The following SLC19A1 variants were observed in gnomAD, a reference collection of about 807,000 sequenced individuals.
SLC19A1 encodes the protein solute carrier family 19 member 1, also known as reduced folate transporter.
Under a neutral mutation model 35.3 loss-of-function variants are expected in SLC19A1, and 37 were observed. That is an observed-to-expected ratio of 1.05 (90% CI 0.81 to 1.38). The LOEUF (loss-of-function observed/expected upper bound fraction) is 1.38, where lower values mean the gene tolerates loss of function less well. Among genes scored for constraint, SLC19A1 ranks in the 40% most tolerant of loss-of-function variants. SLC19A1 has a pLI of 0.00. For missense variants in SLC19A1, 831 were observed against 826.9 expected, an observed-to-expected ratio of 1.00 and a Z score of -0.06; for synonymous variants, 460 against 398.5, an observed-to-expected ratio of 1.15 and a Z score of -1.84.
chr21:45,528,965 C>T (rs77309572), intron 4 of SLC19A1, among the ~76,000 whole-genome samples: 19 of 152,366 alleles, frequency 1.2e-4, no homozygotes, highest in African/African-American at 4.1e-4. Flanking sequence ...ATAACTAAAA[C>T]CTTTCAGGCG....
rs531623740 is a variant in SLC19A1, at chr21:45,540,961, C to T, written c.-50+1407G>A. Among the ~76,000 whole-genome samples, 2 of 152,316 alleles carry T rather than the reference C, an allele frequency of 1.3e-5. No individual in the cohort carries two copies. Among genetic ancestry groups the T allele is most frequent in the Non-Finnish European group, 2.9e-5 (2 of 68,028 alleles). On this transcript the variant is annotated intron_variant, in intron 1 of 5. Transcript: ENST00000311124. This position sits in a 1 kb window ranked among gnomAD's most constrained non-coding sequence, Gnocchi z 5.5. ...ACCTATCATTCCGTGTTTAAACCAG[C>T]TCCTACTCTGGAAGGCTAACCAAGA...
At chr21:45,523,896 C>T (rs2077513772) in intron 5 of SLC19A1, among the ~76,000 whole-genome samples, 1 of 152,214 alleles carries the variant, frequency 6.6e-6, no homozygotes, top group African/African-American at 2.4e-5. Context: ...CCCTCCAAAG[C>T]CAGCTGGACT....
At chr21:45,519,336 T>C (rs144752279) in intron 5 of SLC19A1, among the ~76,000 whole-genome samples, 20 of 152,106 alleles carry the variant, frequency 1.3e-4, no homozygotes, top group African/African-American at 4.8e-4. Flanking sequence ...GGCCCTAATA[T>C]ACAAATTATC....
In SLC19A1 at chr21:45,530,673, C is replaced by T. The variant is rs61665019; in HGVS notation, c.1151+97G>A. 2.5e-3 allele frequency: 3,257 copies of T among 1,313,162 alleles called. 42 individuals are homozygous for T. Among genetic ancestry groups the T allele is most frequent in the South Asian group, 0.022 (1,653 of 73,580 alleles). The allele number at this position is 1,313,162 out of a possible 1,614,324, so 81.3% of individuals were successfully genotyped here. On this transcript the variant is annotated intron_variant, in intron 4 of 5. Coordinates refer to ENST00000311124, the MANE Select transcript of SLC19A1 (RefSeq NM_194255.4). The surrounding 1 kb of genome is among the most constrained non-coding windows in gnomAD (Gnocchi z 5.3). ...CTGGCGGGGCCAGCAGTGGCACAGC[C>T]GCTGGGGCGCAGCAGGAAGGTGGGA...
At position 45,525,862 on chromosome 21, in the gene SLC19A1, G is replaced by C. The variant is rs1320092899; in HGVS notation, c.1248C>G (p.Phe416Leu). The change falls in exon 5 of 6, where the codon TTC (phenylalanine) becomes TTG (leucine). Residue 416 changes from phenylalanine to leucine, a missense_variant. Coordinates refer to ENST00000311124, the MANE Select transcript of SLC19A1 (RefSeq NM_194255.4). ...FATIVKTIIT[F>L]IVSDVRGLGL... is the part of the protein sequence containing the mutation. ...CCAGGCCCCGCACGTCCGAGACAAT[G>C]AAAGTGATGATGGTCTTGACGATGG... 15 of 1,613,480 alleles carry C rather than the reference G, an allele frequency of 9.3e-6. No individual in the cohort carries two copies. Among genetic ancestry groups the C allele is most frequent in the South Asian group, 2.2e-5 (2 of 91,090 alleles).
chr21:45,530,437 A>C lies in SLC19A1; in HGVS notation c.1151+333T>G, dbSNP rs1402544922. Among the ~76,000 whole-genome samples, 1 of 152,090 alleles carries C rather than the reference A, an allele frequency of 6.6e-6. No individual in the cohort carries two copies. The highest frequency in any genetic ancestry group is 1.5e-5 in the Non-Finnish European group (1 of 68,002). On this transcript the variant is annotated intron_variant, in intron 4 of 5. Transcript: ENST00000311124. The surrounding 1 kb of genome is among the most constrained non-coding windows in gnomAD (Gnocchi z 5.3). Reference sequence around the variant, plus strand: ...CTGGTGTGAGTGTAAGCTGAGGATGAACTCACACAGGTGCAAGCTCCCGCT... The same window carrying C: ...CTGGTGTGAGTGTAAGCTGAGGATGCACTCACACAGGTGCAAGCTCCCGCT...
At chr21:45,504,521 GGC>G in intron 3 of SLC19A1, 1 of 1,348,998 alleles carries the variant, frequency 7.4e-7, no homozygotes, top group Non-Finnish European at 9.7e-7. Context: ...CGGCCCCCCA[GGC>G]CCCCCAGGCC....
intron 2 of SLC19A1, 52 bp downstream of exon 2, chr21:45,537,719 T>TGGGGGGGCCCCCCC: frequency 6.3e-6 from 2 of 319,776 alleles, no homozygotes; most frequent in Non-Finnish European, 1.1e-5. Flanking sequence ...CAGACGCTGC[T>TGGGGGGGCCCCCCC]CCCCGCCCAC....
Position 45,504,375 on chromosome 21 carries a change from G to A in SLC19A1, c.498-5763C>T, listed in dbSNP as rs1321308344. ...GATGGGAGGCCACCTGTGGCTTGTA[G>A]GGGTTCAGGGCTCCCGTGTAACAAG... On this transcript the variant is annotated intron_variant, in intron 3 of 4. Coordinates refer to the SLC19A1 transcript ENST00000417954. The A allele has an allele frequency of 2.5e-6, 4 of 1,596,034 alleles. No homozygotes were observed. The South Asian group carries it at 3.4e-5, about 13-fold the overall frequency.
downstream of SLC19A1, among the ~76,000 whole-genome samples, chr21:45,509,070 G>A (rs1228865191): frequency 2.0e-5 from 3 of 152,136 alleles, no homozygotes; most frequent in East Asian, 5.8e-4. Context: ...CGCGGCAAAG[G>A]AGAGGGCAGG....
At chr21:45,505,364 G>T in intron 3 of SLC19A1, 1 of 1,595,608 alleles carries the variant, frequency 6.3e-7, no homozygotes, top group Non-Finnish European at 8.6e-7. Flanking sequence ...GCAGCTATCA[G>T]CGTTCCCGGC....
intron 5 of SLC19A1, among the ~76,000 whole-genome samples, chr21:45,518,206 A>C (rs2146222280): frequency 6.6e-6 from 1 of 152,346 alleles, no homozygotes; most frequent in African/African-American, 2.4e-5. Context: ...TGAAATGTAC[A>C]ATAATCAGAA....
At chr21:45,526,946 C>G (rs2077641639) in intron 4 of SLC19A1, among the ~76,000 whole-genome samples, 1 of 152,266 alleles carries the variant, frequency 6.6e-6, no homozygotes, top group South Asian at 2.1e-4. Flanking sequence ...GAGAAGATAC[C>G]TGGAAGGGCT....
At position 45,516,064 on chromosome 21, in the gene SLC19A1, T is replaced by G; in HGVS notation, c.1370A>C (p.His457Pro). 2.5e-6 allele frequency: 4 copies of G among 1,591,932 alleles called. No homozygotes were observed. The highest frequency in any genetic ancestry group is 3.4e-6 in the Non-Finnish European group (4 of 1,171,306). The change falls in exon 6 of 6, where the codon CAC (histidine) becomes CCC (proline). Residue 457 changes from histidine (H) to proline (P), a missense_variant. Physicochemically the swap from His to Pro is moderately conservative, Grantham distance 77. Transcript: ENST00000311124. ...FLGAMLDGLR[H>P]CQRGHHPRQP... is the part of the protein sequence containing the mutation. The stretch of plus-strand genomic sequence containing the variant: ...CCGCGGGTGGTGGCCCCGCTGGCAG[T>G]GCCGCAGGCCATCCAGCATGGCCCC...
At chr21:45,512,228 C>T (rs1261107453), downstream of SLC19A1, 19 of 1,612,296 alleles carry the variant, frequency 1.2e-5, no homozygotes, top group East Asian at 4.5e-5. Context: ...CCCCAACGGG[C>T]GCAGGCTGAC....
rs1346084661 is a variant in SLC19A1, at chr21:45,531,477, G to A, written c.861C>T (p.Tyr287=). 2.5e-6 allele frequency: 4 copies of A among 1,612,634 alleles called. No homozygotes were observed. The highest frequency in any genetic ancestry group is 3.4e-6 in the Non-Finnish European group (4 of 1,179,752). The stretch of plus-strand genomic sequence containing the variant: ...CCACCTCGTTCCACAGGATGTGCAC[G>A]TAGTAGACCACCAGGTAGTAGCCGG... The part of the protein sequence containing the change: ...NSAGYYLVVY[Y]VHILWNEVDP... Residue 287 remains tyrosine (Y), a synonymous_variant, in exon 3 of 6, where the codon TAC becomes TAT. Coordinates refer to ENST00000311124, the MANE Select transcript of SLC19A1 (RefSeq NM_194255.4).
chr21:45,555,483 G>C (rs1339293345), intron 1 of SLC19A1, among the ~76,000 whole-genome samples: 2 of 131,662 alleles, frequency 1.5e-5, no homozygotes, highest in East Asian at 4.9e-4. Flanking sequence ...AGGGGAACCG[G>C]CTTGGGTGGC....
intron 3 of SLC19A1, among the ~76,000 whole-genome samples, chr21:45,504,751 C>T (rs1233729206): frequency 6.6e-6 from 1 of 152,106 alleles, no homozygotes; most frequent in African/African-American, 2.4e-5. Context: ...CCCCGGACAC[C>T]CCCCGTCCCC....
chr21:45,509,279 C>A, downstream of SLC19A1: 2 of 1,526,468 alleles, frequency 1.3e-6, no homozygotes, highest in East Asian at 2.5e-5. Context: ...TCTCACCCAG[C>A]CCAGAGGAGG....
Sources: gnomAD v4.1 joint callset for allele counts (sites outside exome capture counted in the v4.1 genomes callset) on GRCh38, gnomAD v4.1.1 for gene constraint, Gnocchi (gnomAD v3.1) non-coding constraint, MANE v1.5 for transcripts, NCBI Gene and HGNC (gene_info 2026-07-23, HGNC 2026-07-21) for gene names.